TYW5: variants seen among roughly 807,000 people sequenced by gnomAD.
TYW5 encodes the protein tRNA wybutosine-synthesizing protein 5.
In TYW5, 36 loss-of-function variants were observed where a neutral mutation model predicts 44.4. That is an observed-to-expected ratio of 0.81 (90% CI 0.62 to 1.07). The LOEUF is 1.07. Ranked by LOEUF, TYW5 falls within the 50% of genes least tolerant of loss-of-function variation. The probability of loss-of-function intolerance (pLI) is 0.00; values close to 1 mark genes in which losing one functional copy is unlikely to be tolerated. For synonymous variants in TYW5, 121 were observed against 128.1 expected (o/e 0.94, Z 0.37); for missense variants, 354 against 365.7 (o/e 0.97, Z 0.26).
rs527336182 is a variant in TYW5 at position 199,950,853 on chromosome 2, T to C, written c.79-2381A>G. Reference sequence around the variant, plus strand: ...AAATTTGTAAAGCATATGATAATCATACAAGTGCACAATAAACAAGGGGGT... The same window carrying C: ...AAATTTGTAAAGCATATGATAATCACACAAGTGCACAATAAACAAGGGGGT... On this transcript the variant is annotated intron_variant, in intron 1 of 7. Transcript: ENST00000354611. Among the ~76,000 whole-genome samples the C allele has an allele frequency of 3.3e-5, 5 of 152,284 alleles. No individual in the cohort carries two copies. In the South Asian group the frequency reaches 8.3e-4, roughly 25 times the overall value.
At chr2:199,934,620 G>A (rs1473192043) in intron 7 of TYW5, among the ~76,000 whole-genome samples, 3 of 151,916 alleles carry the variant, frequency 2.0e-5, no homozygotes, top group African/African-American at 4.8e-5. Flanking sequence ...TTATAATCTA[G>A]TCCCAAAAGA....
chr2:199,955,443 G>A lies in TYW5; in HGVS notation c.28C>T (p.Arg10Trp), dbSNP rs747786563. The part of the protein sequence containing the change: MAGQHLPVP[R>W]LEGVSREQFM... ...TGCTCCCGAGAAACGCCCTCCAGCCGGGGTACCGGGAGGTGCTGCCCGGCC... is the reference window on the plus strand; with the variant it reads ...TGCTCCCGAGAAACGCCCTCCAGCCAGGGTACCGGGAGGTGCTGCCCGGCC... The change falls in exon 1 of 8, where the codon CGG becomes TGG. Residue 10 changes from arginine (R) to tryptophan (W), a missense_variant. Arg to Trp is a moderately radical substitution (Grantham distance 101). Transcript: ENST00000354611. 3 of 1,613,716 alleles carry A rather than the reference G, an allele frequency of 1.9e-6. No homozygotes were observed. Among genetic ancestry groups the A allele is most frequent in the African/African-American group, 2.7e-5 (2 of 74,926 alleles).
chr2:199,940,761 C>T (rs988013970), intron 3 of TYW5, among the ~76,000 whole-genome samples: 1 of 152,116 alleles, frequency 6.6e-6, no homozygotes, highest in Middle Eastern at 3.2e-3. Context: ...GCAACATATA[C>T]ATACCATCTC....
chr2:199,941,335 G>A (rs138113858), intron 3 of TYW5, among the ~76,000 whole-genome samples: 309 of 152,256 alleles, frequency 2.0e-3, no homozygotes, highest in Admixed American at 4.1e-3. Context: ...GCCACTGTGC[G>A]AGGCCAAAAA....
chr2:199,940,512 A>G (rs1045161027), intron 3 of TYW5, among the ~76,000 whole-genome samples: 2 of 151,980 alleles, frequency 1.3e-5, no homozygotes, highest in African/African-American at 4.8e-5. Context: ...GCATGGTGGT[A>G]CGTGCCTGTA....
intron 1 of TYW5, among the ~76,000 whole-genome samples, chr2:199,954,565 G>A (rs2077578216): frequency 6.6e-6 from 1 of 152,072 alleles, no homozygotes; most frequent in African/African-American, 2.4e-5. Flanking sequence ...CCGAGTAGCT[G>A]GGATTACAGG....
At chr2:199,935,708 G>A (rs2077412805) in intron 7 of TYW5, among the ~76,000 whole-genome samples, 1 of 143,756 alleles carries the variant, frequency 7.0e-6, no homozygotes, top group South Asian at 2.2e-4. Flanking sequence ...AGTTTGCCTA[G>A]GCCTGCTTTA....
intron 3 of TYW5, chr2:199,942,946 A>C (rs944998597): frequency 6.6e-6 from 1 of 150,390 alleles, no homozygotes; most frequent in Non-Finnish European, 1.5e-5. Flanking sequence ...AACCTCCGCT[A>C]CCTGGGTTCA....
At chr2:199,947,999 G>A in intron 2 of TYW5, 1 of 224,010 alleles carries the variant, frequency 4.5e-6, no homozygotes, top group South Asian at 5.9e-5. Context: ...GGCTGAGGCA[G>A]GAGTATCACT....
At chr2:199,934,747 T>C (rs1281037177) in intron 7 of TYW5, among the ~76,000 whole-genome samples, 1 of 152,096 alleles carries the variant, frequency 6.6e-6, no homozygotes, top group Non-Finnish European at 1.5e-5. Flanking sequence ...AATTTGTTAA[T>C]ATATCCCTTT....
At chr2:199,953,716 C>T (rs1365456165) in intron 1 of TYW5, among the ~76,000 whole-genome samples, 1 of 152,166 alleles carries the variant, frequency 6.6e-6, no homozygotes, top group African/African-American at 2.4e-5. Flanking sequence ...CCCCCTCATA[C>T]TTTTTAGTGT....
intron 5 of TYW5, among the ~76,000 whole-genome samples, chr2:199,936,775 A>T (rs1296371792): frequency 1.3e-5 from 2 of 152,228 alleles, no homozygotes; most frequent in Non-Finnish European, 2.9e-5. Context: ...CAGCATAGTT[A>T]AGCCTATTTA....
At chr2:199,933,860 CATCTT>C (rs1166696877) in intron 7 of TYW5, among the ~76,000 whole-genome samples, 2 of 152,138 alleles carry the variant, frequency 1.3e-5, no homozygotes, top group Non-Finnish European at 2.9e-5. Flanking sequence ...CAATTATAAT[CATCTT>C]ATATTTCTTT....
At position 199,929,824 on chromosome 2, in the gene TYW5, CTGTT is replaced by C. The variant is rs2077360412; in HGVS notation, c.*3239_*3242del. On this transcript the variant is annotated 3_prime_UTR_variant, in exon 8 of 8. Coordinates refer to ENST00000354611, the MANE Select transcript of TYW5 (RefSeq NM_001039693.3). The stretch of plus-strand genomic sequence containing the variant: ...GTTATGAAATGCTAATAATTACACT[CTGTT>C]TAGTTTTTTTTTTTGAGACAGGTCT... Among the ~76,000 whole-genome samples the C allele has an allele frequency of 6.6e-6, 1 of 150,848 alleles. No individual in the cohort carries two copies. The highest frequency in any genetic ancestry group is 2.1e-4 in the South Asian group (1 of 4,774).
intron 3 of TYW5, among the ~76,000 whole-genome samples, chr2:199,940,824 T>C (rs1240677489): frequency 6.6e-6 from 1 of 152,158 alleles, no homozygotes; most frequent in Non-Finnish European, 1.5e-5. Context: ...ACTCTTATTT[T>C]AATAGTGTCT....
rs35165461 is a variant in TYW5, at chr2:199,929,970, A to ATTTTTTT, written c.*3090_*3096dup. 1.1e-5 allele frequency: 1 copy of ATTTTTTT among 89,828 alleles called. No homozygotes were observed. Among genetic ancestry groups the ATTTTTTT allele is most frequent in the African/African-American group, 4.5e-5 (1 of 22,400 alleles). The allele number at this position is 89,828 out of a possible 1,614,324, so 5.6% of individuals were successfully genotyped here. On this transcript the variant is annotated 3_prime_UTR_variant, in exon 8 of 8. Transcript: ENST00000354611. ...ACCACTCCCCAGCTCTGCATATAAT[A>ATTTTTTT]TTTTTTTTTTTTTTTTTTTTTTTGA...
chr2:199,937,744 CCAT>C (rs1434831449), intron 5 of TYW5, among the ~76,000 whole-genome samples: 2 of 152,118 alleles, frequency 1.3e-5, no homozygotes, highest in African/African-American at 4.8e-5. Flanking sequence ...GATTTTCTCA[CCAT>C]GTTATTCATA....
At chr2:199,938,265 C>G (rs886803149) in intron 5 of TYW5, among the ~76,000 whole-genome samples, 7 of 151,962 alleles carry the variant, frequency 4.6e-5, no homozygotes, top group African/African-American at 1.7e-4. Flanking sequence ...GGGGTTTCAC[C>G]GTGTTAGCCA....
chr2:199,954,331 A>G (rs1156444558), intron 1 of TYW5, among the ~76,000 whole-genome samples: 1 of 151,610 alleles, frequency 6.6e-6, no homozygotes, highest in East Asian at 2.0e-4. Flanking sequence ...TGAACTCCTG[A>G]CCTCAAGTGA....
Sources: gnomAD v4.1 joint callset for allele counts (sites outside exome capture counted in the v4.1 genomes callset) on GRCh38, gnomAD v4.1.1 for gene constraint, MANE v1.5 for transcripts, NCBI Gene and HGNC (gene_info 2026-07-23, HGNC 2026-07-21) for gene names.